MELK: variants seen among roughly 807,000 people sequenced by gnomAD.
MELK encodes pEg3 kinase.
MELK carries 81 observed loss-of-function variants against 85.0 expected under a neutral mutation model. The observed-to-expected ratio is 0.95, with a 90% CI of 0.80 to 1.15. The LOEUF is 1.15. Ranked by LOEUF, MELK falls within the 50% of genes most tolerant of loss-of-function variation. The pLI is 0.00. For synonymous variants in MELK, 252 were observed against 265.0 expected, an observed-to-expected ratio of 0.95 and a Z score of 0.48; for missense variants, 754 against 777.5, an observed-to-expected ratio of 0.97 and a Z score of 0.36.
intron 11 of MELK, among the ~76,000 whole-genome samples, chr9:36,649,330 CAAA>C (rs1322695536): frequency 6.6e-6 from 1 of 151,462 alleles, no homozygotes; most frequent in Non-Finnish European, 1.5e-5. Context: ...ACTAAAAATA[CAAA>C]AAAAATAGCC....
At chr9:36,583,445 T>A (rs1822471641) in intron 2 of MELK, among the ~76,000 whole-genome samples, 182 bp from the exon 3 acceptor site, 3 of 146,220 alleles carry the variant, frequency 2.1e-5, no homozygotes, top group African/African-American at 7.8e-5. Flanking sequence ...TGAGATACAC[T>A]ATCATGGTTA....
rs561904024 is a variant in MELK at position 36,630,758 on chromosome 9, C to G, written c.735+391C>G. Among the ~76,000 whole-genome samples the G allele has an allele frequency of 4.8e-5, 7 of 145,660 alleles. No homozygotes were observed. In the East Asian group the frequency reaches 1.5e-3, roughly 31 times the overall value. On this transcript the variant is annotated intron_variant, in intron 9 of 17. Transcript: ENST00000298048. ...AACCTTCGCCTTCTGGGTTCAAGTG[C>G]TTTTTCTGCTTCTGCCTTCCGAGTA... is the stretch of plus-strand genomic sequence containing the variant.
At chr9:36,616,690 T>TA (rs1458249413) in intron 8 of MELK, among the ~76,000 whole-genome samples, 2 of 152,118 alleles carry the variant, frequency 1.3e-5, no homozygotes, top group African/African-American at 4.8e-5. Context: ...CGCCTGGCCA[T>TA]AAAACCTGTT....
chr9:36,643,891 G>A (rs1331339195), intron 11 of MELK, among the ~76,000 whole-genome samples: 3 of 146,714 alleles, frequency 2.0e-5, no homozygotes, highest in Non-Finnish European at 1.5e-5. Context: ...CCAAGATCAC[G>A]CCACTGCACT....
chr9:36,596,580 T>G (rs1390141098), intron 5 of MELK, among the ~76,000 whole-genome samples: 1 of 103,408 alleles, frequency 9.7e-6, no homozygotes, highest in Non-Finnish European at 1.8e-5. Flanking sequence ...TTGTTTTTTT[T>G]GTTTTTTTTG....
At chr9:36,649,303 G>A (rs962085607) in intron 11 of MELK, among the ~76,000 whole-genome samples, 7 of 151,956 alleles carry the variant, frequency 4.6e-5, no homozygotes, top group Admixed American at 1.3e-4. Flanking sequence ...TGGCTAGCAC[G>A]GTGAAACCCT....
chr9:36,662,873 C>T (rs1035030529), intron 13 of MELK, among the ~76,000 whole-genome samples: 6 of 152,048 alleles, frequency 3.9e-5, no homozygotes, highest in Non-Finnish European at 5.9e-5. Flanking sequence ...CGTTGCACAC[C>T]TCCAGGGAAC....
chr9:36,594,771 A>G lies in MELK; in HGVS notation c.405A>G (p.Pro135=), dbSNP rs954499032. Residue 135 remains proline, a splice_region_variant and synonymous_variant, in exon 5 of 18, where the codon CCA becomes CCG. Transcript: ENST00000298048. ...GCTATGCTCACAGGGACCTCAAGCC[A>G]GTAAGTGACTGCATCACAGTTAGAT... ...SQGYAHRDLK[P]ENLLFDEYHK... is the part of the protein sequence containing the mutation. The G allele has an allele frequency of 1.2e-6, 2 of 1,612,186 alleles. No homozygotes were observed. Among genetic ancestry groups the G allele is most frequent in the South Asian group, 1.1e-5 (1 of 90,492 alleles).
At chr9:36,669,264 C>T (rs771847186) in intron 14 of MELK, 46 bp from the exon 15 acceptor site, 1 of 1,271,762 alleles carries the variant, frequency 7.9e-7, no homozygotes, top group Non-Finnish European at 1.1e-6. Flanking sequence ...ATTTCAGAAC[C>T]ATAGTATGTG....
chr9:36,637,116 G>A (rs1333336244), intron 10 of MELK, among the ~76,000 whole-genome samples: 2 of 151,988 alleles, frequency 1.3e-5, no homozygotes, highest in East Asian at 1.9e-4. Flanking sequence ...ACAGGCATGA[G>A]CCACTGCACC....
intron 8 of MELK, among the ~76,000 whole-genome samples, chr9:36,627,902 T>G (rs1216275369): frequency 6.6e-6 from 1 of 151,118 alleles, no homozygotes; most frequent in Non-Finnish European, 1.5e-5. Flanking sequence ...AAAGTCTTTT[T>G]TGTTTGTTTT....
chr9:36,575,921 G>C, intron 1 of MELK, among the ~76,000 whole-genome samples: 1 of 152,060 alleles, frequency 6.6e-6, no homozygotes, highest in Admixed American at 6.6e-5. Flanking sequence ...TTCTGTATCA[G>C]GATTCCAAAG....
At chr9:36,574,546 T>G (rs1007770666) in intron 1 of MELK, among the ~76,000 whole-genome samples, 10 of 149,388 alleles carry the variant, frequency 6.7e-5, no homozygotes, top group Admixed American at 5.3e-4. Context: ...GAGGTTGCGG[T>G]GAGCCGAGAT....
chr9:36,630,780 A>T (rs902172953), intron 9 of MELK, among the ~76,000 whole-genome samples: 9 of 151,566 alleles, frequency 5.9e-5, no homozygotes, highest in South Asian at 4.2e-4. Flanking sequence ...CTGCCTTCCG[A>T]GTAGGTGGGA....
intron 12 of MELK, among the ~76,000 whole-genome samples, chr9:36,654,812 A>T (rs1831064681): frequency 6.6e-6 from 1 of 152,244 alleles, no homozygotes; most frequent in Non-Finnish European, 1.5e-5. Flanking sequence ...CATATTATTG[A>T]ATCAATTTTA....
At chr9:36,616,726 C>T (rs1207742742) in intron 8 of MELK, among the ~76,000 whole-genome samples, 1 of 151,784 alleles carries the variant, frequency 6.6e-6, no homozygotes, top group Non-Finnish European at 1.5e-5. Context: ...ATTGCTATCA[C>T]GTTTATCAGA....
intron 13 of MELK, among the ~76,000 whole-genome samples, chr9:36,659,439 T>C (rs908621124): frequency 6.6e-6 from 1 of 152,268 alleles, no homozygotes; most frequent in Admixed American, 6.5e-5. Context: ...ATATTATTGC[T>C]GTTTGTTGTT....
intron 8 of MELK, among the ~76,000 whole-genome samples, chr9:36,626,863 G>A (rs929439458): frequency 6.6e-6 from 1 of 151,682 alleles, no homozygotes. Context: ...GCAGGCTGAG[G>A]CAGGAGAATT....
intron 10 of MELK, among the ~76,000 whole-genome samples, chr9:36,640,565 G>C (rs1829664586): frequency 6.6e-6 from 1 of 152,118 alleles, no homozygotes; most frequent in African/African-American, 2.4e-5. Context: ...TCCCACCTCA[G>C]CCTCCTGAGT....
Sources: gnomAD v4.1 joint callset for allele counts (sites outside exome capture counted in the v4.1 genomes callset) on GRCh38, gnomAD v4.1.1 for gene constraint, MANE v1.5 for transcripts, NCBI Gene and HGNC (gene_info 2026-07-23, HGNC 2026-07-21) for gene names.